The following BMPER variants were observed in gnomAD, a reference collection of about 807,000 sequenced individuals.
The protein encoded by BMPER is BMP binding endothelial regulator.
Under a neutral mutation model 87.3 loss-of-function variants are expected in BMPER, and 45 were observed. That is an observed-to-expected ratio of 0.52 (90% CI 0.41 to 0.66). The LOEUF (loss-of-function observed/expected upper bound fraction) is 0.66. BMPER is among the 30% of genes least tolerant of loss of function. The pLI is 0.00. For missense variants in BMPER, 784 were observed against 867.5 expected (o/e 0.90, Z 1.21); for synonymous variants, 326 against 316.2 (o/e 1.03, Z -0.33).
intron 2 of BMPER, among the ~76,000 whole-genome samples, chr7:33,935,180 A>C (rs1021200979): frequency 2.6e-5 from 4 of 152,188 alleles, no homozygotes; most frequent in African/African-American, 7.2e-5. Flanking sequence ...TGCCACCATT[A>C]TCATGGAGAA....
chr7:34,075,194 A>G (rs995803964), intron 11 of BMPER, among the ~76,000 whole-genome samples: 6 of 152,072 alleles, frequency 3.9e-5, no homozygotes, highest in African/African-American at 1.4e-4. Context: ...AGGCAGTGTC[A>G]CTCTTATTTC....
chr7:34,052,135 C>A (rs1237064657), intron 8 of BMPER, among the ~76,000 whole-genome samples, 165 bp downstream of exon 8: 2 of 152,194 alleles, frequency 1.3e-5, no homozygotes, highest in Non-Finnish European at 2.9e-5. Context: ...AGGACTTACA[C>A]ATAGGACCCA....
At chr7:34,049,365 C>T (rs962485570) in intron 7 of BMPER, among the ~76,000 whole-genome samples, 7 of 152,066 alleles carry the variant, frequency 4.6e-5, no homozygotes, top group Non-Finnish European at 7.4e-5. Flanking sequence ...AGAGTTTAAG[C>T]GATTGGTCAC....
At chr7:34,043,352 C>T (rs987144798) in intron 6 of BMPER, among the ~76,000 whole-genome samples, 3 of 152,110 alleles carry the variant, frequency 2.0e-5, no homozygotes, top group African/African-American at 7.2e-5. Flanking sequence ...TTTAGCTGGC[C>T]ATCTGTCTAG....
intron 6 of BMPER, among the ~76,000 whole-genome samples, chr7:33,988,681 T>C (rs1204562071): frequency 6.6e-6 from 1 of 152,020 alleles, no homozygotes. Context: ...TAGTCACATA[T>C]GTATACATGT....
chr7:33,996,827 A>G (rs1021568309), intron 6 of BMPER, among the ~76,000 whole-genome samples: 1 of 152,260 alleles, frequency 6.6e-6, no homozygotes, highest in Non-Finnish European at 1.5e-5. Context: ...ACATGTAATC[A>G]TTATAAAAAT....
chr7:34,129,610 A>AGAGAGAAAGAGAGAG (rs1790507400), intron 13 of BMPER, among the ~76,000 whole-genome samples: 3 of 69,638 alleles, frequency 4.3e-5, no homozygotes, highest in Admixed American at 1.4e-4. Flanking sequence ...GAGAGAGAGA[A>AGAGAGAAAGAGAGAG]AGAGAGAGAG....
chr7:33,939,723 C>A (rs1784705505), intron 3 of BMPER, among the ~76,000 whole-genome samples: 1 of 152,162 alleles, frequency 6.6e-6, no homozygotes, highest in Admixed American at 6.5e-5. Flanking sequence ...GAAGAAGGTG[C>A]CTTGCTTCCC....
chr7:33,946,890 T>A (rs1354517166), intron 3 of BMPER, among the ~76,000 whole-genome samples: 1 of 152,236 alleles, frequency 6.6e-6, no homozygotes, highest in African/African-American at 2.4e-5. Context: ...CATTTATTAA[T>A]TTAACAATTA....
chr7:33,961,110 G>A (rs1785260527), intron 3 of BMPER, among the ~76,000 whole-genome samples: 1 of 152,176 alleles, frequency 6.6e-6, no homozygotes, highest in Non-Finnish European at 1.5e-5. Context: ...GGACCAGCAT[G>A]TGCAAAATCG....
rs921569231 is a variant in BMPER at position 33,970,956 on chromosome 7, G to A, written c.493+537G>A. Among the ~76,000 whole-genome samples the A allele has an allele frequency of 5.3e-5, 8 of 152,104 alleles. No individual in the cohort carries two copies. The East Asian group carries it at 7.7e-4, about 15-fold the overall frequency. On this transcript the variant is annotated intron_variant, in intron 5 of 14. Transcript: ENST00000649409. ...ATCTTTCCTTTGCAGCGGCTGGAAC[G>A]TTTCCTTTTACTTTTCTGAACAGGA...
At chr7:34,057,831 A>AACACACAC (rs113240345) in intron 9 of BMPER, among the ~76,000 whole-genome samples, 20 of 148,996 alleles carry the variant, frequency 1.3e-4, no homozygotes, top group African/African-American at 2.0e-4. Flanking sequence ...CAGGAGGGGG[A>AACACACAC]ACACACACAC....
chr7:34,039,862 C>T (rs1286102995), intron 6 of BMPER, among the ~76,000 whole-genome samples: 1 of 152,000 alleles, frequency 6.6e-6, no homozygotes, highest in Admixed American at 6.6e-5. Context: ...CTTGGCAGCT[C>T]ATCAGGAACA....
chr7:33,997,917 T>C (rs941169627), intron 6 of BMPER, among the ~76,000 whole-genome samples: 2 of 152,212 alleles, frequency 1.3e-5, no homozygotes, highest in Non-Finnish European at 2.9e-5. Context: ...TAAATCCCCC[T>C]GCCACCAGAT....
intron 6 of BMPER, among the ~76,000 whole-genome samples, chr7:33,985,722 C>A (rs1340104766): frequency 6.6e-6 from 1 of 151,400 alleles, no homozygotes; most frequent in Non-Finnish European, 1.5e-5. Flanking sequence ...GTTTATCAGC[C>A]ATTTGTGTTT....
At position 34,106,594 on chromosome 7, in the gene BMPER, G is replaced by A. The variant is rs577803126; in HGVS notation, c.1745+20502G>A. ...ACAGCCACAGACTCCTAAGCTGTCC[G>A]CTTTGCCAGATTCTGTCTGCTCCCA... On this transcript the variant is annotated intron_variant, in intron 13 of 14. Coordinates refer to ENST00000649409, the MANE Select transcript of BMPER (RefSeq NM_001365308.1). 2.1e-4 allele frequency among the ~76,000 whole-genome samples: 32 copies of A among 152,284 alleles called. No homozygotes were observed. In the South Asian group the frequency reaches 4.3e-3, roughly 21 times the overall value.
At chr7:34,009,123 A>T (rs1786812604) in intron 6 of BMPER, among the ~76,000 whole-genome samples, 1 of 151,032 alleles carries the variant, frequency 6.6e-6, no homozygotes, top group African/African-American at 2.4e-5. Context: ...TGTACCCAGT[A>T]TTTTTTTTTA....
chr7:34,022,054 G>A lies in BMPER; in HGVS notation c.577-24252G>A, dbSNP rs1311031874. 2.0e-5 allele frequency among the ~76,000 whole-genome samples: 3 copies of A among 152,006 alleles called. No individual in the cohort carries two copies. In the East Asian group the frequency reaches 5.8e-4, roughly 29 times the overall value. ...TTTAATAATTGTTCTGCTCCATGGA[G>A]CTTATCAATCATGGCTTCTGGAGGC... On this transcript the variant is annotated intron_variant, in intron 6 of 14. Coordinates refer to ENST00000649409, the MANE Select transcript of BMPER (RefSeq NM_001365308.1).
chr7:34,131,071 C>T (rs1422040684), intron 13 of BMPER, among the ~76,000 whole-genome samples: 2 of 152,020 alleles, frequency 1.3e-5, no homozygotes, highest in African/African-American at 4.8e-5. Context: ...CTCAGGGGCT[C>T]ATCTGAGGGT....
Sources: allele counts gnomAD v4.1 joint callset (sites outside exome capture counted in the v4.1 genomes callset), GRCh38; gene constraint gnomAD v4.1.1; transcripts MANE v1.5; gene names NCBI Gene and HGNC (gene_info 2026-07-23, HGNC 2026-07-21).